IL4I1: variants seen among roughly 807,000 people sequenced by gnomAD.
IL4I1 encodes the protein interleukin 4 induced 1, also known as L-amino-acid oxidase.
Under a neutral mutation model 29.7 loss-of-function variants are expected in IL4I1, and 24 were observed. The ratio of observed to expected loss-of-function variants is 0.81; its 90% confidence interval spans 0.59 to 1.14. The LOEUF is 1.14. IL4I1 is among the 50% of genes most tolerant of loss of function. IL4I1 has a pLI of 0.00. For missense variants in IL4I1, 686 were observed against 785.6 expected (o/e 0.87, Z 1.52); for synonymous variants, 371 against 352.5 (o/e 1.05, Z -0.59).
intron 2 of IL4I1, among the ~76,000 whole-genome samples, chr19:49,926,934 C>T (rs2075908227): frequency 6.6e-6 from 1 of 150,986 alleles, no homozygotes; most frequent in South Asian, 2.1e-4. Context: ...CGGCTTACTG[C>T]AACCTCCGCC....
intron 7 of IL4I1, 144 bp from the exon 8 acceptor site, chr19:49,890,744 C>T: frequency 1.2e-6 from 1 of 852,348 alleles, no homozygotes; most frequent in East Asian, 2.8e-5. Flanking sequence ...CCCGCCCGTC[C>T]CTGACATCCC....
chr19:49,923,954 G>A (rs1032434875), intron 2 of IL4I1, among the ~76,000 whole-genome samples: 2 of 152,258 alleles, frequency 1.3e-5, no homozygotes, highest in African/African-American at 4.8e-5. Flanking sequence ...CGGTCTGTCT[G>A]ATGCAAAACT....
intron 2 of IL4I1, among the ~76,000 whole-genome samples, chr19:49,920,690 C>T (rs930932357): frequency 1.3e-5 from 2 of 152,098 alleles, no homozygotes; most frequent in South Asian, 2.1e-4. Flanking sequence ...TTGGGGTGGC[C>T]GGTAATGCTG....
At chr19:49,906,767 A>T (rs1350476290) in intron 2 of IL4I1, 1 of 152,336 alleles carries the variant, frequency 6.6e-6, no homozygotes, top group Middle Eastern at 3.4e-3. Flanking sequence ...GTCTCCTGGA[A>T]CCTGCTCTTT....
chr19:49,919,632 C>T (rs1184329288), intron 2 of IL4I1, among the ~76,000 whole-genome samples: 1 of 152,208 alleles, frequency 6.6e-6, no homozygotes, highest in African/African-American at 2.4e-5. Flanking sequence ...TTAGCAGCTA[C>T]TTTCTCCTTC....
intron 6 of IL4I1, 126 bp downstream of exon 6, chr19:49,891,279 C>G (rs529977715): frequency 1.4e-5 from 20 of 1,412,472 alleles, no homozygotes; most frequent in Non-Finnish European, 1.8e-5. Flanking sequence ...GTGTCCAGCC[C>G]CCGGGTCAGG....
chr19:49,911,334 G>A (rs1054585290), intron 2 of IL4I1: 1 of 152,194 alleles, frequency 6.6e-6, no homozygotes, highest in South Asian at 2.1e-4. Flanking sequence ...GGCAGAAGCA[G>A]CTCTAAAAGC....
chr19:49,907,600 G>T, intron 2 of IL4I1: 2 of 401,668 alleles, frequency 5.0e-6, no homozygotes, highest in Admixed American at 3.4e-5. Context: ...GCAGTGGTGT[G>T]ATCTTGGTTC....
chr19:49,929,469 G>C (rs1377165313), exon 1 of IL4I1: 1 of 152,486 alleles, frequency 6.6e-6, no homozygotes, highest in African/African-American at 2.4e-5. Context: ...CCTCTTTAGG[G>C]AGCCCTGGGG....
chr19:49,894,990 C>T (rs1009575200), intron 4 of IL4I1, 78 bp downstream of exon 4: 41 of 1,082,934 alleles, frequency 3.8e-5, no homozygotes, highest in East Asian at 1.2e-4. Flanking sequence ...AGTGGAAGTT[C>T]GGGCCCACTC....
At position 49,891,067 on chromosome 19, in the gene IL4I1, A is replaced by ACGG. The variant is rs1436653451; in HGVS notation, c.674_676dup (p.Ala225dup). The ACGG allele has an allele frequency of 2.5e-6, 4 of 1,613,286 alleles. No individual in the cohort carries two copies. The highest frequency in any genetic ancestry group is 3.4e-6 in the Non-Finnish European group (4 of 1,179,912). On this transcript the variant is annotated inframe_insertion, in exon 7 of 8. Coordinates refer to ENST00000391826, the MANE Select transcript of IL4I1 (RefSeq NM_152899.2). Reference sequence around the variant, plus strand: ...GGACATCACGTCTCCCAGAAGCTGCACGGCCGGCCGGCTCAGGTTCCCCTC... The same window carrying ACGG: ...GGACATCACGTCTCCCAGAAGCTGCACGGCGGCCGGCCGGCTCAGGTTCCCCTC...
intron 2 of IL4I1, among the ~76,000 whole-genome samples, chr19:49,924,875 G>T (rs184686129): frequency 6.6e-6 from 1 of 152,124 alleles, no homozygotes. Context: ...CGGTGGGGAG[G>T]GGAAGCAGAG....
At chr19:49,892,073 A>G (rs2122509127) in intron 5 of IL4I1, among the ~76,000 whole-genome samples, 1 of 141,698 alleles carries the variant, frequency 7.1e-6, no homozygotes, top group South Asian at 2.2e-4. Flanking sequence ...TAGCCCCTCA[A>G]TGTCTTTTTT....
intron 2 of IL4I1, among the ~76,000 whole-genome samples, chr19:49,915,455 AG>A (rs1311582539): frequency 6.6e-6 from 1 of 152,204 alleles, no homozygotes; most frequent in African/African-American, 2.4e-5. Flanking sequence ...AGAAGGACAT[AG>A]CCTCTCCCCT....
intron 2 of IL4I1, among the ~76,000 whole-genome samples, chr19:49,918,347 G>A (rs533091288): frequency 7.2e-4 from 110 of 152,188 alleles, no homozygotes; most frequent in African/African-American, 2.5e-3. Context: ...TTACAGGCAC[G>A]AGCCACCACG....
chr19:49,917,572 T>TGG (rs975212631), intron 2 of IL4I1: 1 of 151,270 alleles, frequency 6.6e-6, no homozygotes, highest in Non-Finnish European at 1.5e-5. Flanking sequence ...AGACCATGAG[T>TGG]GGGTCAGGGT....
Position 49,890,168 on chromosome 19 carries a change from G to A in IL4I1, c.1206C>T (p.Asp402=). The A allele has an allele frequency of 6.5e-7, 1 of 1,542,166 alleles. No homozygotes were observed. Among genetic ancestry groups the A allele is most frequent in the Admixed American group, 2.0e-5 (1 of 50,882 alleles). The part of the protein sequence containing the change: ...ALLLASYTWS[D]AAAAFAGLSR... ...TCAAGCCGGCGAACGCTGCCGCCGC[G>A]TCCGACCACGTGTACGAGGCCAGCA... Residue 402 remains aspartate (D), a synonymous_variant, in exon 8 of 8, where the codon GAC becomes GAT. Transcript: ENST00000391826.
intron 2 of IL4I1, among the ~76,000 whole-genome samples, chr19:49,912,395 C>T (rs541205176): frequency 2.2e-4 from 34 of 152,284 alleles, no homozygotes; most frequent in African/African-American, 7.7e-4. Context: ...TCTTGAACTC[C>T]TGACCTCAGG....
At position 49,921,206 on chromosome 19, in the gene IL4I1, T is replaced by C. The variant is rs2075757528; in HGVS notation, c.-228+6488A>G. ...GCGAAACTATCATGGCTCCCATTTA[T>C]AAATGAGCAAACTGAGAAAGGGGAG... On this transcript the variant is annotated intron_variant, in intron 2 of 9. Coordinates refer to the IL4I1 transcript ENST00000341114. This position sits in a 1 kb window ranked among gnomAD's most constrained non-coding sequence, Gnocchi z 5.4. Among the ~76,000 whole-genome samples, 1 of 152,174 alleles carries C rather than the reference T, an allele frequency of 6.6e-6. No homozygotes were observed. The highest frequency in any genetic ancestry group is 2.1e-4 in the South Asian group (1 of 4,832).
Sources: gnomAD v4.1 joint callset for allele counts (sites outside exome capture counted in the v4.1 genomes callset) on GRCh38, gnomAD v4.1.1 for gene constraint, Gnocchi (gnomAD v3.1) non-coding constraint, MANE v1.5 for transcripts, NCBI Gene and HGNC (gene_info 2026-07-23, HGNC 2026-07-21) for gene names.